PDE7B: variants seen among roughly 807,000 people sequenced by gnomAD.
PDE7B encodes phosphodiesterase 7B.
A neutral mutation model predicts 56.2 loss-of-function variants in PDE7B; 29 were observed. The observed-to-expected ratio is 0.52, with a 90% CI of 0.38 to 0.70. The LOEUF (loss-of-function observed/expected upper bound fraction) is 0.70, where lower values mean the gene tolerates loss of function less well. PDE7B is among the 30% of genes least tolerant of loss of function. PDE7B has a pLI of 0.00. For missense variants in PDE7B, 490 were observed against 565.0 expected (o/e 0.87, Z 1.35); for synonymous variants, 197 against 196.9 (o/e 1.00, Z 0.00).
intron 1 of PDE7B, among the ~76,000 whole-genome samples, chr6:135,907,133 C>G (rs1389095457): frequency 6.6e-6 from 1 of 152,088 alleles, no homozygotes; most frequent in African/African-American, 2.4e-5. Flanking sequence ...TCTCATTTGG[C>G]CTCCTAGCTA....
At chr6:136,026,849 AT>A (rs1157598774) in intron 2 of PDE7B, among the ~76,000 whole-genome samples, 2 of 152,206 alleles carry the variant, frequency 1.3e-5, no homozygotes, top group East Asian at 3.9e-4. Context: ...ATGCTTCATT[AT>A]TAGCAAAATT....
intron 2 of PDE7B, among the ~76,000 whole-genome samples, chr6:136,074,087 G>A (rs1043405838): frequency 3.9e-5 from 6 of 151,950 alleles, no homozygotes; most frequent in South Asian, 2.1e-4. Flanking sequence ...AACTGGGCAC[G>A]GTGGCACACA....
At position 136,135,562 on chromosome 6, in the gene PDE7B, C is replaced by T. The variant is rs117368608; in HGVS notation, c.167-11789C>T. On this transcript the variant is annotated intron_variant, in intron 3 of 12. Coordinates refer to ENST00000308191, the MANE Select transcript of PDE7B (RefSeq NM_018945.4). Reference sequence around the variant, plus strand: ...AGGGCCAAATAATATATTTGGTTGTCATCAGTTTCTACCCATCATTTTCTG... The same window carrying T: ...AGGGCCAAATAATATATTTGGTTGTTATCAGTTTCTACCCATCATTTTCTG... Among the ~76,000 whole-genome samples the T allele has an allele frequency of 3.6e-4, 55 of 152,004 alleles. No homozygotes were observed. In the East Asian group the frequency reaches 5.8e-3, roughly 16 times the overall value.
intron 1 of PDE7B, among the ~76,000 whole-genome samples, chr6:135,934,820 ATT>A (rs1261682606): frequency 1.8e-5 from 2 of 109,756 alleles, no homozygotes; most frequent in African/African-American, 3.8e-5. Context: ...TTATATATAT[ATT>A]TAATAAATAA....
chr6:136,027,316 G>A (rs1776169406), intron 2 of PDE7B, among the ~76,000 whole-genome samples: 1 of 152,178 alleles, frequency 6.6e-6, no homozygotes, highest in South Asian at 2.1e-4. Flanking sequence ...TCTTTGCTTT[G>A]TGGTAATAAA....
intron 2 of PDE7B, among the ~76,000 whole-genome samples, chr6:135,974,677 G>A (rs1775152950): frequency 6.6e-6 from 1 of 152,176 alleles, no homozygotes; most frequent in Non-Finnish European, 1.5e-5. Context: ...ACCCCAGAAG[G>A]TATATTCTCA....
intron 1 of PDE7B, among the ~76,000 whole-genome samples, chr6:135,921,049 T>C (rs1374283865): frequency 6.6e-6 from 1 of 152,170 alleles, no homozygotes; most frequent in African/African-American, 2.4e-5. Context: ...CAGAAAGAGC[T>C]TGGGGGTGGT....
chr6:136,129,417 T>C (rs1251718966), intron 3 of PDE7B, among the ~76,000 whole-genome samples: 1 of 152,138 alleles, frequency 6.6e-6, no homozygotes, highest in Non-Finnish European at 1.5e-5. Context: ...TGCTTAGTTA[T>C]CCAGCCACAC....
At chr6:136,186,695 C>T (rs982271137) in intron 11 of PDE7B, among the ~76,000 whole-genome samples, 4 of 152,220 alleles carry the variant, frequency 2.6e-5, no homozygotes, top group African/African-American at 9.6e-5. Flanking sequence ...GTTTTCTTAA[C>T]CTGTCACTTA....
chr6:135,981,325 C>A (rs1236683137), intron 2 of PDE7B, among the ~76,000 whole-genome samples: 3 of 150,256 alleles, frequency 2.0e-5, no homozygotes, highest in African/African-American at 7.3e-5. Context: ...GGGAGATATA[C>A]CTAATGCTAG....
chr6:136,107,127 T>C (rs904480838), intron 2 of PDE7B, among the ~76,000 whole-genome samples: 3 of 152,156 alleles, frequency 2.0e-5, no homozygotes, highest in Non-Finnish European at 4.4e-5. Flanking sequence ...GGCCCATCTA[T>C]GAGGGACATT....
chr6:135,940,367 G>A (rs1170936447), intron 1 of PDE7B, among the ~76,000 whole-genome samples: 1 of 152,170 alleles, frequency 6.6e-6, no homozygotes, highest in African/African-American at 2.4e-5. Flanking sequence ...TTCAGAGTAG[G>A]CTACAAACTT....
intron 8 of PDE7B, among the ~76,000 whole-genome samples, chr6:136,172,935 C>T (rs1161330429): frequency 4.6e-5 from 7 of 151,970 alleles, no homozygotes; most frequent in Non-Finnish European, 1.0e-4. Context: ...ACCTAGGAAT[C>T]CAACTTACAA....
intron 2 of PDE7B, among the ~76,000 whole-genome samples, chr6:136,076,683 C>T (rs1477643522): frequency 6.6e-6 from 1 of 152,080 alleles, no homozygotes; most frequent in African/African-American, 2.4e-5. Context: ...TTCACCCTGG[C>T]AGAAGACTAA....
rs1007287613 is a variant in PDE7B at position 136,037,505 on chromosome 6, C to G, written c.83-71226C>G. On this transcript the variant is annotated intron_variant, in intron 2 of 12. Coordinates refer to ENST00000308191, the MANE Select transcript of PDE7B (RefSeq NM_018945.4). ...ACTGAGGCACTGAGGATCAACCAAG[C>G]CCATCCCAGCACTGGTCTTGGTGAC... The G allele has an allele frequency of 2.9e-5, 29 of 985,278 alleles. 1 individual carries two copies. Among genetic ancestry groups the G allele is most frequent in the Non-Finnish European group, 3.5e-5 (29 of 829,890 alleles). The allele number at this position is 985,278 out of a possible 1,614,324, so 61.0% of individuals were successfully genotyped here.
intron 2 of PDE7B, among the ~76,000 whole-genome samples, chr6:136,066,337 A>G (rs867358329): frequency 6.6e-6 from 1 of 152,302 alleles, no homozygotes; most frequent in East Asian, 1.9e-4. Context: ...GGCAAGATGC[A>G]TGGTCTCAGA....
chr6:136,099,616 T>G (rs1428764655), intron 2 of PDE7B, among the ~76,000 whole-genome samples: 1 of 152,192 alleles, frequency 6.6e-6, no homozygotes. Flanking sequence ...CACTTTTTGA[T>G]GGGGTTGTTT....
chr6:135,852,333 AT>A (rs1774957542), intron 1 of PDE7B, among the ~76,000 whole-genome samples: 2 of 151,816 alleles, frequency 1.3e-5, no homozygotes, highest in Admixed American at 1.3e-4. Context: ...AGAATGCAAT[AT>A]TTTTTTTCTC....
At chr6:136,182,826 C>T (rs1779087492) in intron 11 of PDE7B, among the ~76,000 whole-genome samples, 1 of 152,110 alleles carries the variant, frequency 6.6e-6, no homozygotes, top group Non-Finnish European at 1.5e-5. Flanking sequence ...GTAATCCCAG[C>T]ACTTTGGGAG....
Sources: gnomAD v4.1 joint callset for allele counts (sites outside exome capture counted in the v4.1 genomes callset) on GRCh38, gnomAD v4.1.1 for gene constraint, MANE v1.5 for transcripts, NCBI Gene and HGNC (gene_info 2026-07-23, HGNC 2026-07-21) for gene names.